PTRH2: variants seen among roughly 807,000 people sequenced by gnomAD.
The protein encoded by PTRH2 is peptidyl-tRNA hydrolase 2.
A neutral mutation model predicts 12.3 loss-of-function variants in PTRH2; 10 were observed. That is an observed-to-expected ratio of 0.81 (90% confidence interval 0.50 to 1.38). The LOEUF (loss-of-function observed/expected upper bound fraction) is 1.38. PTRH2 is among the 40% of genes most tolerant of loss of function. PTRH2 has a pLI of 0.00. For synonymous variants in PTRH2, 73 were observed against 77.4 expected (o/e 0.94, Z 0.30); for missense variants, 176 against 214.1 (o/e 0.82, Z 1.11).
At position 59,697,996 on chromosome 17, in the gene PTRH2, C is replaced by G; in HGVS notation, c.1-18G>C. On this transcript the variant is annotated intron_variant, in intron 1 of 1. Coordinates refer to ENST00000393038, the MANE Select transcript of PTRH2 (RefSeq NM_016077.5). ...GAGGGCATCTTAAAGGAAAGGAAAA[C>G]AGTTATCACTATCCGGCAGTAACAA... is the stretch of plus-strand genomic sequence containing the variant. The G allele has an allele frequency of 1.2e-6, 2 of 1,602,688 alleles. No homozygotes were observed. The highest frequency in any genetic ancestry group is 1.7e-6 in the Non-Finnish European group (2 of 1,175,928).
chr17:59,699,916 C>T (rs1443331170), intron 1 of PTRH2: 1 of 152,326 alleles, frequency 6.6e-6, no homozygotes, highest in African/African-American at 2.4e-5. Context: ...TGTGAAAACA[C>T]AAAACACAAT....
At chr17:59,698,301 T>C (rs148756598) in intron 1 of PTRH2, 6 of 333,870 alleles carry the variant, frequency 1.8e-5, no homozygotes, top group Non-Finnish European at 3.3e-5. Flanking sequence ...ATGCCTAAGA[T>C]TTAAAGAAAC....
chr17:59,705,909 C>CA (rs34174073), intron 1 of PTRH2, among the ~76,000 whole-genome samples: 2,033 of 99,828 alleles, frequency 0.02, 27 homozygotes, highest in East Asian at 0.06. Flanking sequence ...ACCCTGTCTC[C>CA]AAAAAAAAAA....
chr17:59,705,900 C>A (rs1337068729), intron 1 of PTRH2, among the ~76,000 whole-genome samples: 1 of 150,898 alleles, frequency 6.6e-6, no homozygotes, highest in Non-Finnish European at 1.5e-5. Flanking sequence ...CAATGCAAAA[C>A]CCTGTCTCCA....
chr17:59,697,925 G>A lies in PTRH2; in HGVS notation c.54C>T (p.Gly18=). ...TGCCACAAGCAACTCCAACAGCCAA[G>A]CCGAGTGTACTGGGATGAGCCAAAT... ...MEYLAHPSTL[G]LAVGVACGMC... is the part of the protein sequence containing the mutation. The change falls in exon 2 of 2, where the codon GGC becomes GGT. Residue 18 remains glycine (G), a synonymous_variant. Coordinates refer to ENST00000393038, the MANE Select transcript of PTRH2 (RefSeq NM_016077.5). The A allele has an allele frequency of 1.2e-6, 2 of 1,614,062 alleles. No homozygotes were observed. Among genetic ancestry groups the A allele is most frequent in the Admixed American group, 1.7e-5 (1 of 60,022 alleles).
intron 1 of PTRH2, chr17:59,699,200 A>C (rs1380196629): frequency 3.2e-6 from 1 of 311,308 alleles, no homozygotes; most frequent in Admixed American, 4.8e-5. Context: ...CATTTCTTCT[A>C]ACGTGTAGGC....
intron 1 of PTRH2, among the ~76,000 whole-genome samples, chr17:59,704,088 G>A (rs754300640): frequency 3.2e-4 from 49 of 152,022 alleles, no homozygotes; most frequent in Admixed American, 1.5e-3. Context: ...GATTGCAGGC[G>A]TGAGCCACCA....
rs1598256819 is a variant in PTRH2, at chr17:59,698,222, T to G, written c.1-244A>C. On this transcript the variant is annotated intron_variant, in intron 1 of 1. Coordinates refer to ENST00000393038, the MANE Select transcript of PTRH2 (RefSeq NM_016077.5). ...TTTTGAATCTTGATGTAAACGAAGTTGCATAAAGTTCAAAAACTCTATTCC... is the reference window on the plus strand; with the variant it reads ...TTTTGAATCTTGATGTAAACGAAGTGGCATAAAGTTCAAAAACTCTATTCC... The G allele has an allele frequency of 2.1e-5, 11 of 518,622 alleles. No homozygotes were observed. In the East Asian group the frequency reaches 3.4e-4, roughly 16 times the overall value. The allele number at this position is 518,622 out of a possible 1,614,324, so 32.1% of individuals were successfully genotyped here.
Position 59,701,555 on chromosome 17 carries a change from C to T in PTRH2, c.1-3577G>A, listed in dbSNP as rs559258231. 4 of 152,286 alleles carry T rather than the reference C, an allele frequency of 2.6e-5. No individual in the cohort carries two copies. The East Asian group carries it at 7.7e-4, about 29-fold the overall frequency. 9.4% of individuals were successfully genotyped at this position (152,286 alleles called of 1,614,324 possible). On this transcript the variant is annotated intron_variant, in intron 1 of 1. Transcript: ENST00000393038. ...CTTCCCTTCCACAAATACTGATTGA[C>T]CCTGTTCTAGAATCTAAGGGATACA...
At chr17:59,703,969 G>A (rs1212634080) in intron 1 of PTRH2, among the ~76,000 whole-genome samples, 2 of 150,812 alleles carry the variant, frequency 1.3e-5, no homozygotes, top group African/African-American at 2.4e-5. Context: ...TACCACACCC[G>A]GCTAATTTTT....
rs186987582 is a variant in PTRH2, at chr17:59,699,178, G to A, written c.1-1200C>T. The A allele has an allele frequency of 5.8e-5, 20 of 342,344 alleles. 1 individual carries two copies. Among genetic ancestry groups the A allele is most frequent in the Admixed American group, 5.5e-4 (12 of 21,886 alleles). 21.2% of individuals were successfully genotyped at this position (342,344 alleles called of 1,614,324 possible). ...GCCTGTCAACTGTGGCGAATCTCTCGTAATTGACGTCCATTTCTTCTAACG... is the reference window on the plus strand; with the variant it reads ...GCCTGTCAACTGTGGCGAATCTCTCATAATTGACGTCCATTTCTTCTAACG... On this transcript the variant is annotated intron_variant, in intron 1 of 1. Coordinates refer to ENST00000393038, the MANE Select transcript of PTRH2 (RefSeq NM_016077.5).
intron 1 of PTRH2, among the ~76,000 whole-genome samples, chr17:59,703,545 C>G (rs1052747523): frequency 6.6e-6 from 1 of 152,138 alleles, no homozygotes; most frequent in Non-Finnish European, 1.5e-5. Flanking sequence ...GTTCTTGTCT[C>G]CCATGCTGGA....
At chr17:59,698,034 T>C (rs970150047) in intron 1 of PTRH2, 56 bp from the exon 2 acceptor site, 15 of 1,520,482 alleles carry the variant, frequency 9.9e-6, no homozygotes, top group Non-Finnish European at 1.3e-5. Context: ...TACAGAGGTA[T>C]AGGCTTATCA....
In PTRH2 at chr17:59,702,923, C is replaced by T. The variant is rs576710483; in HGVS notation, c.-1+4448G>A. On this transcript the variant is annotated intron_variant, in intron 1 of 1. Transcript: ENST00000393038. Reference sequence around the variant, plus strand: ...TGTTAGATGATTTTGCCCTATTGTACGCTAATAAATTAAGTGTTCTGAGCA... The same window carrying T: ...TGTTAGATGATTTTGCCCTATTGTATGCTAATAAATTAAGTGTTCTGAGCA... Among the ~76,000 whole-genome samples, 13 of 152,232 alleles carry T rather than the reference C, an allele frequency of 8.5e-5. No homozygotes were observed. The South Asian group carries it at 1.0e-3, about 12-fold the overall frequency.
intron 1 of PTRH2, among the ~76,000 whole-genome samples, chr17:59,703,486 C>T (rs1419899457): frequency 6.6e-6 from 1 of 152,094 alleles, no homozygotes; most frequent in Non-Finnish European, 1.5e-5. Flanking sequence ...CATAAGTGGT[C>T]GTCTTAATCC....
intron 1 of PTRH2, chr17:59,700,847 G>A (rs1294686047): frequency 2.0e-5 from 3 of 152,194 alleles, no homozygotes; most frequent in African/African-American, 7.2e-5. Context: ...TAGGTCCACG[G>A]ATTTGAAGGC....
chr17:59,702,175 C>G (rs1388768420), intron 1 of PTRH2, among the ~76,000 whole-genome samples: 1 of 152,012 alleles, frequency 6.6e-6, no homozygotes, highest in African/African-American at 2.4e-5. Context: ...AGCCATACAC[C>G]CTGTTAAGCT....
In PTRH2 at chr17:59,707,429, C is replaced by T. The variant is rs182679772; in HGVS notation, c.-59G>A. On this transcript the variant is annotated 5_prime_UTR_variant, in exon 1 of 2. Transcript: ENST00000393038. ...CTTCTTCTGGGCAGCGAACACGTTT[C>T]TATCGCGTGAGCTACCTCTTCCGGG... is the stretch of plus-strand genomic sequence containing the variant. 3.9e-3 allele frequency: 597 copies of T among 152,816 alleles called. 3 individuals carry two copies. The highest frequency in any genetic ancestry group is 3.8e-3 in the Non-Finnish European group (258 of 68,090). 9.5% of individuals were successfully genotyped at this position (152,816 alleles called of 1,614,324 possible). A position where few individuals can be genotyped will look rare whatever the true frequency, so the allele number is the denominator to read the frequency against.
chr17:59,701,859 ATTTTTT>A (rs999977067), intron 1 of PTRH2, among the ~76,000 whole-genome samples: 1 of 134,126 alleles, frequency 7.5e-6, no homozygotes, highest in African/African-American at 2.8e-5. Flanking sequence ...CACCCGGCTA[ATTTTTT>A]TTTTTTTTTT....
Sources: allele counts gnomAD v4.1 joint callset (sites outside exome capture counted in the v4.1 genomes callset), GRCh38; gene constraint gnomAD v4.1.1; transcripts MANE v1.5; gene names NCBI Gene and HGNC (gene_info 2026-07-23, HGNC 2026-07-21).